Variants in TRAPPC9 observed in about 807,000 individuals in gnomAD.
The protein encoded by TRAPPC9 is IKK2 binding protein.
A neutral mutation model predicts 124.0 loss-of-function variants in TRAPPC9; 83 were observed. The observed-to-expected ratio is 0.67, with a 90% confidence interval of 0.56 to 0.80. The LOEUF (loss-of-function observed/expected upper bound fraction) is 0.80. Among genes scored for constraint, TRAPPC9 ranks in the 30% least tolerant of loss-of-function variants. The pLI is 0.00. For synonymous variants in TRAPPC9, 638 were observed against 617.5 expected (o/e 1.03, Z -0.49); for missense variants, 1,302 against 1,508.3 (o/e 0.86, Z 2.27).
intron 19 of TRAPPC9, among the ~76,000 whole-genome samples, chr8:139,935,065 A>G (rs1833423627): frequency 6.6e-6 from 1 of 152,192 alleles, no homozygotes; most frequent in South Asian, 2.1e-4. Context: ...TTCACTGCTC[A>G]GGATTTCAGC....
intron 21 of TRAPPC9, among the ~76,000 whole-genome samples, chr8:139,838,917 G>A (rs935301504): frequency 1.6e-4 from 25 of 152,198 alleles, no homozygotes; most frequent in African/African-American, 6.0e-4. Context: ...TGTAGCTGAG[G>A]ATCCAGGTCA....
At chr8:140,392,674 C>T (rs192309837) in intron 7 of TRAPPC9, among the ~76,000 whole-genome samples, 228 of 152,312 alleles carry the variant, frequency 1.5e-3, no homozygotes, top group Non-Finnish European at 2.7e-3. Flanking sequence ...AGAACCAGCA[C>T]GCCTCCCAGA....
rs1445645036 is a variant in TRAPPC9, at chr8:140,087,523, C to T, written c.2557-63444G>A. ...GGTTGTGTTTTCCCCACATTCTAAT[C>T]CCCACCGAGCTTCCTCCATCTCAGT... On this transcript the variant is annotated intron_variant, in intron 17 of 22. Transcript: ENST00000438773. The surrounding 1 kb of genome is among the most constrained non-coding windows in gnomAD (Gnocchi z 4.6). Among the ~76,000 whole-genome samples the T allele has an allele frequency of 6.6e-6, 1 of 152,184 alleles. No homozygotes were observed. Among genetic ancestry groups the T allele is most frequent in the Non-Finnish European group, 1.5e-5 (1 of 68,024 alleles).
intron 9 of TRAPPC9, among the ~76,000 whole-genome samples, chr8:140,352,882 T>C (rs1371294111): frequency 6.6e-6 from 1 of 152,168 alleles, no homozygotes; most frequent in Non-Finnish European, 1.5e-5. Context: ...AAAGAACCAC[T>C]AATGTCTGAC....
chr8:140,417,363 GA>G (rs1193344572), intron 5 of TRAPPC9, among the ~76,000 whole-genome samples: 6 of 151,926 alleles, frequency 3.9e-5, no homozygotes, highest in Non-Finnish European at 8.8e-5. Context: ...AAATTTACAA[GA>G]AAAAAACAAC....
chr8:139,756,549 T>G (rs1206477522), intron 21 of TRAPPC9, among the ~76,000 whole-genome samples: 1 of 136,692 alleles, frequency 7.3e-6, no homozygotes, highest in East Asian at 2.3e-4. Flanking sequence ...GAGCCAGGGT[T>G]TGGGGATGAG....
At chr8:140,041,533 C>T (rs1841275190) in intron 17 of TRAPPC9, among the ~76,000 whole-genome samples, 1 of 152,256 alleles carries the variant, frequency 6.6e-6, no homozygotes, top group Non-Finnish European at 1.5e-5. Context: ...TGGCCCTGAA[C>T]TCAAGGCCAA....
rs776155126 is a variant in TRAPPC9, at chr8:140,033,658, G to GTTTTTTTTTTTTTTT, written c.2557-9594_2557-9580dup. ...TTGAAATGCAACTCTTCATAATGTG[G>GTTTTTTTTTTTTTTT]TTTTTTTTTTTTTTTTTTTTTTTTT... is the stretch of plus-strand genomic sequence containing the variant. On this transcript the variant is annotated intron_variant, in intron 17 of 22. Transcript: ENST00000438773. Among the ~76,000 whole-genome samples, 10 of 42,394 alleles carry GTTTTTTTTTTTTTTT rather than the reference G, an allele frequency of 2.4e-4. 3 individuals are homozygous for GTTTTTTTTTTTTTTT. The highest frequency in any genetic ancestry group is 5.0e-4 in the Non-Finnish European group (9 of 18,110). The allele number at this position is 42,394 out of a possible 152,430, so 27.8% of individuals were successfully genotyped here.
At chr8:140,415,789 A>C (rs1450620261) in intron 5 of TRAPPC9, among the ~76,000 whole-genome samples, 3 of 151,962 alleles carry the variant, frequency 2.0e-5, no homozygotes, top group East Asian at 3.9e-4. Context: ...GGTAACATAG[A>C]GAGACCCCAT....
intron 2 of TRAPPC9, among the ~76,000 whole-genome samples, chr8:140,441,483 T>C (rs1339358069): frequency 6.6e-6 from 1 of 152,204 alleles, no homozygotes; most frequent in Non-Finnish European, 1.5e-5. Context: ...CAACAAAACT[T>C]TACTCCTAAC....
chr8:140,033,575 A>G (rs1840636227), intron 17 of TRAPPC9, among the ~76,000 whole-genome samples: 1 of 151,264 alleles, frequency 6.6e-6, no homozygotes, highest in Non-Finnish European at 1.5e-5. Flanking sequence ...TCATCCAGGG[A>G]AATCTCCAAA....
intron 18 of TRAPPC9, among the ~76,000 whole-genome samples, chr8:140,021,654 C>A (rs535781200): frequency 1.3e-5 from 2 of 152,290 alleles, no homozygotes; most frequent in South Asian, 4.1e-4. Flanking sequence ...GTCTCTTAAA[C>A]CAGTGATCTC....
At chr8:139,997,675 A>C (rs1563676764) in intron 18 of TRAPPC9, among the ~76,000 whole-genome samples, 1 of 112,898 alleles carries the variant, frequency 8.9e-6, no homozygotes, top group South Asian at 4.4e-4. Context: ...TGCATCCTAC[A>C]CAGGGGAGAC....
At chr8:139,739,496 G>A (rs780438384) in intron 21 of TRAPPC9, among the ~76,000 whole-genome samples, 6 of 152,174 alleles carry the variant, frequency 3.9e-5, no homozygotes, top group Non-Finnish European at 7.3e-5. Context: ...CCCAGAGCCC[G>A]TCTCCCGGGC....
In TRAPPC9 at chr8:139,984,894, C is replaced by G. The variant is rs117622933; in HGVS notation, c.2810+3832G>C. On this transcript the variant is annotated intron_variant, in intron 19 of 22. Coordinates refer to ENST00000438773, the MANE Select transcript of TRAPPC9 (RefSeq NM_001160372.4). The surrounding 1 kb of genome is among the most constrained non-coding windows in gnomAD (Gnocchi z 4.3). ...TAGTTCACCCAACGCTCCCACCCGG[C>G]CCGGGACAGCAAGATGCCCTTGTCA... 6.6e-6 allele frequency among the ~76,000 whole-genome samples: 1 copy of G among 152,280 alleles called. No individual in the cohort carries two copies. The highest frequency in any genetic ancestry group is 1.9e-4 in the East Asian group (1 of 5,162).
At chr8:140,326,806 A>C (rs2066750513) in intron 9 of TRAPPC9, among the ~76,000 whole-genome samples, 1 of 152,188 alleles carries the variant, frequency 6.6e-6, no homozygotes, top group African/African-American at 2.4e-5. Flanking sequence ...ACTTGAGCCC[A>C]GGAGGTCAAG....
intron 21 of TRAPPC9, among the ~76,000 whole-genome samples, chr8:139,738,548 G>A (rs1004289110): frequency 9.9e-5 from 15 of 152,208 alleles, no homozygotes; most frequent in African/African-American, 3.4e-4. Context: ...CTATGAAGAC[G>A]GGGGAAGGCG....
chr8:139,967,000 G>A (rs2665931), intron 19 of TRAPPC9, among the ~76,000 whole-genome samples: 107,216 of 152,154 alleles, frequency 0.7, 39,047 homozygotes, highest in East Asian at 0.98. Flanking sequence ...AAAAGTCAAC[G>A]TAAAGACGAA....
At chr8:140,443,296 C>T (rs183157551) in intron 2 of TRAPPC9, among the ~76,000 whole-genome samples, 97 of 151,300 alleles carry the variant, frequency 6.4e-4, no homozygotes, top group African/African-American at 1.7e-3. Context: ...ATTAGCCAGG[C>T]GTGGTGGTGG....
Sources: gnomAD v4.1 joint callset for allele counts (sites outside exome capture counted in the v4.1 genomes callset) on GRCh38, gnomAD v4.1.1 for gene constraint, Gnocchi (gnomAD v3.1) non-coding constraint, MANE v1.5 for transcripts, NCBI Gene and HGNC (gene_info 2026-07-23, HGNC 2026-07-21) for gene names.